ZFAND6: variants seen among roughly 807,000 people sequenced by gnomAD.
ZFAND6 encodes the protein AN1-type zinc finger protein 6.
A neutral mutation model predicts 24.5 loss-of-function variants in ZFAND6; 12 were observed. That is an observed-to-expected ratio of 0.49 (90% CI 0.31 to 0.79). ZFAND6 has a LOEUF of 0.79. Ranked by LOEUF, ZFAND6 falls within the 30% of genes least tolerant of loss-of-function variation. The probability of loss-of-function intolerance (pLI) is 0.04; values close to 1 mark genes in which losing one functional copy is unlikely to be tolerated. For missense variants in ZFAND6, 207 were observed against 245.9 expected, an observed-to-expected ratio of 0.84 and a Z score of 1.06; for synonymous variants, 92 against 81.5, an observed-to-expected ratio of 1.13 and a Z score of -0.69.
At chr15:80,090,504 T>C (rs2038291147) in intron 1 of ZFAND6, among the ~76,000 whole-genome samples, 2 of 152,212 alleles carry the variant, frequency 1.3e-5, no homozygotes, top group South Asian at 4.1e-4. Flanking sequence ...ATAAAACATT[T>C]ATCATGGGAC....
At chr15:80,120,892 G>C (rs2040116799) in intron 3 of ZFAND6, 2 of 152,684 alleles carry the variant, frequency 1.3e-5, no homozygotes, top group African/African-American at 2.4e-5. Flanking sequence ...CAGTGGACTT[G>C]AGAGGAAGCT....
At chr15:80,096,364 T>TCA (rs950177925) in intron 1 of ZFAND6, among the ~76,000 whole-genome samples, 1 of 152,232 alleles carries the variant, frequency 6.6e-6, no homozygotes, top group African/African-American at 2.4e-5. Context: ...TGCGGTGAAA[T>TCA]CAGAGTTTTA....
intron 2 of ZFAND6, among the ~76,000 whole-genome samples, chr15:80,116,015 A>G (rs1435736112): frequency 1.3e-5 from 2 of 151,914 alleles, no homozygotes; most frequent in African/African-American, 4.8e-5. Flanking sequence ...AATAAGCAGT[A>G]TAGCATAGTT....
intron 2 of ZFAND6, among the ~76,000 whole-genome samples, chr15:80,112,599 T>C (rs956567268): frequency 2.6e-5 from 4 of 152,172 alleles, no homozygotes; most frequent in African/African-American, 9.7e-5. Context: ...GGTTTCACCA[T>C]GTTGGTCAGG....
At chr15:80,101,387 C>T (rs549002215) in intron 2 of ZFAND6, among the ~76,000 whole-genome samples, 38 of 152,140 alleles carry the variant, frequency 2.5e-4, no homozygotes, top group East Asian at 7.7e-4. Flanking sequence ...CGCTTGAACC[C>T]GGGAGGCAGA....
At position 80,137,656 on chromosome 15, in the gene ZFAND6, G is replaced by A; in HGVS notation, c.*28G>A. The A allele has an allele frequency of 1.3e-6, 2 of 1,546,386 alleles. No individual in the cohort carries two copies. The highest frequency in any genetic ancestry group is 1.4e-5 in the African/African-American group (1 of 71,228). Reference sequence around the variant, plus strand: ...TCCTGCTGGAATACAAAATTCTTGAGCATCTGCAAACTAAAAATTGACTTG... The same window carrying A: ...TCCTGCTGGAATACAAAATTCTTGAACATCTGCAAACTAAAAATTGACTTG... On this transcript the variant is annotated 3_prime_UTR_variant, in exon 7 of 7. Transcript: ENST00000261749.
chr15:80,069,286 T>C (rs2036838606), intron 1 of ZFAND6, among the ~76,000 whole-genome samples: 1 of 152,252 alleles, frequency 6.6e-6, no homozygotes, highest in Admixed American at 6.5e-5. Context: ...AAATGCCTTC[T>C]CTTTTATTTT....
intron 2 of ZFAND6, among the ~76,000 whole-genome samples, chr15:80,117,488 C>T (rs1301068988): frequency 6.6e-6 from 1 of 152,176 alleles, no homozygotes; most frequent in Non-Finnish European, 1.5e-5. Flanking sequence ...TCCCAAAGTG[C>T]TGGGATTACA....
chr15:80,122,421 T>G (rs970201639), intron 4 of ZFAND6, among the ~76,000 whole-genome samples: 2 of 151,674 alleles, frequency 1.3e-5, no homozygotes, highest in African/African-American at 4.9e-5. Flanking sequence ...TCTTTAAGCA[T>G]GTCTTTATCA....
intron 2 of ZFAND6, among the ~76,000 whole-genome samples, chr15:80,108,350 T>C (rs1049255167): frequency 6.6e-6 from 1 of 152,090 alleles, no homozygotes; most frequent in Non-Finnish European, 1.5e-5. Context: ...AAAGTCTACA[T>C]AGTTGAATTA....
chr15:80,064,369 C>T (rs2036495804), intron 1 of ZFAND6, among the ~76,000 whole-genome samples: 1 of 152,184 alleles, frequency 6.6e-6, no homozygotes, highest in African/African-American at 2.4e-5. Context: ...GTCTATCCAT[C>T]TACCCTCCAT....
intron 2 of ZFAND6, among the ~76,000 whole-genome samples, chr15:80,112,199 G>T (rs2039643147): frequency 6.6e-6 from 1 of 152,116 alleles, no homozygotes; most frequent in South Asian, 2.1e-4. Context: ...GGCAGAGGTT[G>T]CAGTGAGCCG....
intron 1 of ZFAND6, among the ~76,000 whole-genome samples, chr15:80,061,832 T>A (rs1471016888): frequency 6.6e-6 from 1 of 152,294 alleles, no homozygotes; most frequent in East Asian, 1.9e-4. Context: ...CATTAGACGG[T>A]ATTAGGTAAT....
At chr15:80,071,650 C>A (rs967638477) in intron 1 of ZFAND6, among the ~76,000 whole-genome samples, 1 of 150,980 alleles carries the variant, frequency 6.6e-6, no homozygotes, top group Non-Finnish European at 1.5e-5. Flanking sequence ...TATTATTTAA[C>A]GTAGCTTAGT....
At chr15:80,078,882 A>ATTATT (rs534970612) in intron 1 of ZFAND6, among the ~76,000 whole-genome samples, 142 of 146,540 alleles carry the variant, frequency 9.7e-4, no homozygotes, top group African/African-American at 3.7e-3. Flanking sequence ...CATTTGCTCA[A>ATTATT]TTATTTTATT....
rs973757770 is a variant in ZFAND6, at chr15:80,059,713, C to G, written c.-277C>G. The G allele has an allele frequency of 2.0e-5, 3 of 152,524 alleles. No homozygotes were observed. 9.4% of individuals were successfully genotyped at this position (152,524 alleles called of 1,614,324 possible). Reference sequence around the variant, plus strand: ...ACGGAGGGGCCGGCGGTGGCGGAGCCGGAGCAAGCAGGGGTTCGGCGGCAT... The same window carrying G: ...ACGGAGGGGCCGGCGGTGGCGGAGCGGGAGCAAGCAGGGGTTCGGCGGCAT... On this transcript the variant is annotated 5_prime_UTR_variant, in exon 1 of 7. Coordinates refer to ENST00000261749, the MANE Select transcript of ZFAND6 (RefSeq NM_019006.4).
intron 2 of ZFAND6, among the ~76,000 whole-genome samples, chr15:80,111,872 C>T (rs1340926131): frequency 6.6e-6 from 1 of 152,188 alleles, no homozygotes; most frequent in Non-Finnish European, 1.5e-5. Flanking sequence ...ACAGGCTCTG[C>T]CTAATAGGGC....
At chr15:80,073,500 A>AAT (rs1431229400) in intron 1 of ZFAND6, among the ~76,000 whole-genome samples, 1 of 151,940 alleles carries the variant, frequency 6.6e-6, no homozygotes, top group African/African-American at 2.4e-5. Flanking sequence ...AATCATTGCA[A>AAT]TAATCAGACC....
chr15:80,088,062 T>C (rs1048684533), intron 1 of ZFAND6, among the ~76,000 whole-genome samples: 2 of 152,206 alleles, frequency 1.3e-5, no homozygotes, highest in Non-Finnish European at 2.9e-5. Context: ...ATTTTAACTT[T>C]TATGCAATAA....
Sources: gnomAD v4.1 joint callset for allele counts (sites outside exome capture counted in the v4.1 genomes callset) on GRCh38, gnomAD v4.1.1 for gene constraint, MANE v1.5 for transcripts, NCBI Gene and HGNC (gene_info 2026-07-23, HGNC 2026-07-21) for gene names.